DSCAML1: variants seen among roughly 807,000 people sequenced by gnomAD.
The protein encoded by DSCAML1 is DS cell adhesion molecule like 1.
DSCAML1 carries 38 observed loss-of-function variants against 200.5 expected under a neutral mutation model. That is an observed-to-expected ratio of 0.19 (90% confidence interval 0.15 to 0.25). The LOEUF (loss-of-function observed/expected upper bound fraction) is 0.25. DSCAML1 is among the 10% of genes least tolerant of loss of function. DSCAML1 has a pLI of 1.00. For synonymous variants in DSCAML1, 1,215 were observed against 1,165.0 expected, an observed-to-expected ratio of 1.04 and a Z score of -0.87; for missense variants, 2,223 against 2,858.8, an observed-to-expected ratio of 0.78 and a Z score of 5.07.
chr11:117,524,499 G>A (rs2049939357), intron 5 of DSCAML1, among the ~76,000 whole-genome samples: 1 of 152,208 alleles, frequency 6.6e-6, no homozygotes, highest in Non-Finnish European at 1.5e-5. Flanking sequence ...GGAGCCTCAT[G>A]ACCTCTGGGA....
chr11:117,562,994 T>G (rs2050692556), intron 3 of DSCAML1, among the ~76,000 whole-genome samples: 1 of 152,150 alleles, frequency 6.6e-6, no homozygotes, highest in South Asian at 2.1e-4. Context: ...ATGCAGAAAA[T>G]TCAAGGTTAT....
chr11:117,477,550 CAT>C (rs1469427340), intron 14 of DSCAML1, among the ~76,000 whole-genome samples: 2 of 152,134 alleles, frequency 1.3e-5, no homozygotes, highest in Admixed American at 6.5e-5. Flanking sequence ...CTGACAGACA[CAT>C]ATATTTCAGC....
chr11:117,432,267 T>TA lies in DSCAML1; in HGVS notation c.5179+84dup, dbSNP rs577455414. On this transcript the variant is annotated intron_variant, in intron 30 of 32. Transcript: ENST00000651296. ...ATTCCATTAAGCTCCCTCCTCCCTTTAAAAAAAAACACCACCTCTGTGTCA... is the reference window on the plus strand; with the variant it reads ...ATTCCATTAAGCTCCCTCCTCCCTTTAAAAAAAAAACACCACCTCTGTGTCA... The TA allele has an allele frequency of 1.7e-3, 2,078 of 1,259,268 alleles. 3 individuals carry two copies. Among genetic ancestry groups the TA allele is most frequent in the African/African-American group, 6.8e-3 (443 of 65,430 alleles). 78.0% of individuals were successfully genotyped at this position (1,259,268 alleles called of 1,614,324 possible).
At chr11:117,456,597 C>A (rs2048373752) in intron 19 of DSCAML1, among the ~76,000 whole-genome samples, 1 of 151,878 alleles carries the variant, frequency 6.6e-6, no homozygotes, top group Non-Finnish European at 1.5e-5. Flanking sequence ...GATGAGACGT[C>A]ATCTGACACT....
chr11:117,639,439 G>A (rs1344126781), intron 3 of DSCAML1, among the ~76,000 whole-genome samples: 10 of 146,194 alleles, frequency 6.8e-5, no homozygotes, highest in African/African-American at 2.3e-4. Context: ...AAGCTGGATG[G>A]GTGGGAGGCT....
intron 3 of DSCAML1, among the ~76,000 whole-genome samples, chr11:117,560,387 C>T (rs537847907): frequency 1.2e-4 from 19 of 152,342 alleles, no homozygotes; most frequent in Admixed American, 2.0e-4. Context: ...CCCTTCTCTA[C>T]TGTCATATCC....
intron 8 of DSCAML1, among the ~76,000 whole-genome samples, chr11:117,515,779 C>A (rs1458272400): frequency 6.6e-6 from 1 of 151,930 alleles, no homozygotes; most frequent in Admixed American, 6.6e-5. Context: ...TACCACCACG[C>A]CCGGCTAATT....
chr11:117,608,803 G>A (rs924328479), intron 3 of DSCAML1, among the ~76,000 whole-genome samples: 5 of 152,012 alleles, frequency 3.3e-5, no homozygotes, highest in Admixed American at 1.3e-4. Flanking sequence ...ACCATAAATC[G>A]GTACCACTCT....
intron 17 of DSCAML1, among the ~76,000 whole-genome samples, chr11:117,464,719 C>T (rs2048545232): frequency 6.6e-6 from 1 of 152,206 alleles, no homozygotes; most frequent in South Asian, 2.1e-4. Flanking sequence ...ATGAGCACAG[C>T]ATCGGTCAAA....
intron 3 of DSCAML1, among the ~76,000 whole-genome samples, chr11:117,772,720 G>A (rs1341297851): frequency 6.6e-6 from 1 of 152,196 alleles, no homozygotes; most frequent in African/African-American, 2.4e-5. Flanking sequence ...CATGCAGATG[G>A]GAAATTAAAC....
At chr11:117,450,289 G>C (rs2048260406) in intron 20 of DSCAML1, among the ~76,000 whole-genome samples, 1 of 152,222 alleles carries the variant, frequency 6.6e-6, no homozygotes, top group African/African-American at 2.4e-5. Flanking sequence ...ACCCTGCCTG[G>C]TTGGGCATGG....
At chr11:117,470,787 C>T (rs750169051) in intron 15 of DSCAML1, among the ~76,000 whole-genome samples, 5 of 152,116 alleles carry the variant, frequency 3.3e-5, no homozygotes, top group Non-Finnish European at 5.9e-5. Context: ...ATAATGGATA[C>T]TATACAGCAC....
rs71037482 is a variant in DSCAML1 at position 117,512,761 on chromosome 11, TCACACACACACA to T, written c.1783+3694_1783+3705del. 2.9e-3 allele frequency among the ~76,000 whole-genome samples: 333 copies of T among 113,154 alleles called. 5 individuals carry two copies. In the East Asian group the frequency reaches 0.061, roughly 21 times the overall value. The allele number at this position is 113,154 out of a possible 152,430, so 74.2% of individuals were successfully genotyped here. A position where few individuals can be genotyped will look rare whatever the true frequency, so the allele number is the denominator to read the frequency against. On this transcript the variant is annotated intron_variant, in intron 8 of 32. Transcript: ENST00000651296. ...AAGGCATGGGCTCTGTCCTCTAGGA[TCACACACACACA>T]CACACACACACACACACACACACAC...
In DSCAML1 at chr11:117,780,910, C is replaced by G. The variant is rs1009568302; in HGVS notation, c.47-100G>C. The stretch of plus-strand genomic sequence containing the variant: ...GACAGGCTGCACTCATTCACCTGAC[C>G]TTCAAGCATCAGTCATTCAGTATGC... On this transcript the variant is annotated intron_variant, in intron 1 of 32. Transcript: ENST00000651296. This position sits in a 1 kb window ranked among gnomAD's most constrained non-coding sequence, Gnocchi z 4.8. The G allele has an allele frequency of 4.1e-5, 39 of 940,388 alleles. No individual in the cohort carries two copies. The highest frequency in any genetic ancestry group is 5.7e-5 in the Non-Finnish European group (39 of 687,806). 58.3% of individuals were successfully genotyped at this position (940,388 alleles called of 1,614,324 possible). A position where few individuals can be genotyped will look rare whatever the true frequency, so the allele number is the denominator to read the frequency against.
intron 11 of DSCAML1, among the ~76,000 whole-genome samples, chr11:117,492,960 G>GCAATCT (rs2049216362): frequency 6.6e-6 from 1 of 152,232 alleles, no homozygotes; most frequent in Non-Finnish European, 1.5e-5. Context: ...CAGATTGCAT[G>GCAATCT]GAAGCAATCA....
chr11:117,709,912 G>T (rs2053817029), intron 3 of DSCAML1, among the ~76,000 whole-genome samples: 2 of 152,170 alleles, frequency 1.3e-5, no homozygotes, highest in African/African-American at 4.8e-5. Context: ...CTGGCTCAGA[G>T]CCCCTGCCTC....
chr11:117,755,163 G>C (rs1182456666), intron 3 of DSCAML1, among the ~76,000 whole-genome samples: 1 of 152,132 alleles, frequency 6.6e-6, no homozygotes, highest in Non-Finnish European at 1.5e-5. Context: ...ACTGGGTAGC[G>C]CTTGGGTTTA....
chr11:117,546,985 G>C (rs2050384718), intron 3 of DSCAML1, among the ~76,000 whole-genome samples: 1 of 152,180 alleles, frequency 6.6e-6, no homozygotes, highest in Admixed American at 6.5e-5. Flanking sequence ...ATGCATGAGA[G>C]GGGCGCTTTA....
At chr11:117,472,115 C>T in intron 14 of DSCAML1, 79 bp from the exon 15 acceptor site, 1 of 1,546,080 alleles carries the variant, frequency 6.5e-7, no homozygotes, top group Non-Finnish European at 8.8e-7. Flanking sequence ...CCAGTACAAC[C>T]CAATATTAAG....
Sources: gnomAD v4.1 joint callset for allele counts (sites outside exome capture counted in the v4.1 genomes callset) on GRCh38, gnomAD v4.1.1 for gene constraint, Gnocchi (gnomAD v3.1) non-coding constraint, MANE v1.5 for transcripts, NCBI Gene and HGNC (gene_info 2026-07-23, HGNC 2026-07-21) for gene names.